Variants in ARHGEF6 observed in about 807,000 individuals in gnomAD.
ARHGEF6 encodes Rac/Cdc42 guanine nucleotide exchange factor 6, also known as rho guanine nucleotide exchange factor 6.
Under a neutral mutation model 70.3 loss-of-function variants are expected in ARHGEF6, and 9 were observed. That is an observed-to-expected ratio of 0.13 (90% CI 0.08 to 0.22). The LOEUF (loss-of-function observed/expected upper bound fraction) is 0.22, where lower values mean the gene tolerates loss of function less well. Ranked by LOEUF, ARHGEF6 falls within the 10% of genes least tolerant of loss-of-function variation. ARHGEF6 has a pLI of 1.00. For synonymous variants in ARHGEF6, 201 were observed against 207.8 expected (o/e 0.97, Z 0.28); for missense variants, 470 against 563.0 (o/e 0.83, Z 1.67).
intron 15 of ARHGEF6, among the ~76,000 whole-genome samples, chrX:136,680,032 A>G (rs1024755322): frequency 8.9e-6 from 1 of 112,565 alleles, no homozygotes; most frequent in Non-Finnish European, 1.9e-5. Flanking sequence ...ACAGCCTAAG[A>G]CATAGACTCA....
intron 7 of ARHGEF6, among the ~76,000 whole-genome samples, chrX:136,709,532 A>C (rs759566276): frequency 8.8e-6 from 1 of 113,272 alleles, no homozygotes; most frequent in East Asian, 2.7e-4. Flanking sequence ...AAACCCAGGC[A>C]TAGAGAGGTT....
intron 3 of ARHGEF6, among the ~76,000 whole-genome samples, chrX:136,746,471 C>A (rs1165285712): frequency 1.8e-5 from 2 of 112,088 alleles, no homozygotes; most frequent in Non-Finnish European, 3.8e-5. Flanking sequence ...CGATAGCTTC[C>A]TAGATGCTCT....
chrX:136,682,621 T>C lies in ARHGEF6; in HGVS notation c.1479+137A>G, dbSNP rs748536128. On this transcript the variant is annotated intron_variant, in intron 13 of 21. Coordinates refer to ENST00000250617, the MANE Select transcript of ARHGEF6 (RefSeq NM_004840.3). ...AAGGAACATCTGCTCTTACAAGCTC[T>C]TTAATTACAATGAAGGGTCAGAACA... is the stretch of plus-strand genomic sequence containing the variant. The C allele has an allele frequency of 3.4e-4, 168 of 500,732 alleles. No homozygotes were observed. The African/African-American group carries it at 3.6e-3, about 11-fold the overall frequency. The allele number at this position is 500,732 out of a possible 1,213,427, so 41.3% of individuals were successfully genotyped here.
intron 1 of ARHGEF6, 64 bp downstream of exon 1, chrX:136,780,652 CAA>C: frequency 9.7e-7 from 1 of 1,033,203 alleles, no homozygotes; most frequent in Non-Finnish European, 1.4e-6. Flanking sequence ...AGAAAAATCT[CAA>C]GAGTTACATG....
At chrX:136,712,092 T>TTTG (rs1191257077) in intron 7 of ARHGEF6, among the ~76,000 whole-genome samples, 9 of 111,215 alleles carry the variant, frequency 8.1e-5, no homozygotes, top group East Asian at 5.6e-4. Context: ...TTTGCTTGGT[T>TTTG]TTGTTGTTGT....
chrX:136,730,991 A>T (rs190912071), intron 6 of ARHGEF6, among the ~76,000 whole-genome samples: 1 of 111,760 alleles, frequency 8.9e-6, no homozygotes. Flanking sequence ...TTCTTTAAAA[A>T]TTAAATCATT....
At position 136,667,765 on chromosome X, in the gene ARHGEF6, C is replaced by G; in HGVS notation, c.*264G>C. The G allele has an allele frequency of 2.5e-6, 1 of 403,740 alleles. No homozygotes were observed. Among genetic ancestry groups the G allele is most frequent in the African/African-American group, 2.5e-5 (1 of 40,086 alleles). 33.3% of individuals were successfully genotyped at this position (403,740 alleles called of 1,213,427 possible). A position where few individuals can be genotyped will look rare whatever the true frequency, so the allele number is the denominator to read the frequency against. On this transcript the variant is annotated 3_prime_UTR_variant, in exon 22 of 22. Coordinates refer to ENST00000250617, the MANE Select transcript of ARHGEF6 (RefSeq NM_004840.3). ...AATGGAAAAGACTCTGAGGCCATCT[C>G]TACCACCACTTCCTGCTTTTTCACC... is the stretch of plus-strand genomic sequence containing the variant.
intron 6 of ARHGEF6, among the ~76,000 whole-genome samples, chrX:136,719,003 G>GT (rs1399521248): frequency 1.6e-4 from 12 of 72,747 alleles, no homozygotes; most frequent in Admixed American, 1.3e-3. Flanking sequence ...TTAATACTTG[G>GT]TAAAAAAAAA....
chrX:136,708,172 G>C (rs2076646005), intron 8 of ARHGEF6, among the ~76,000 whole-genome samples: 1 of 110,676 alleles, frequency 9.0e-6, no homozygotes, highest in African/African-American at 3.3e-5. Context: ...AAGACCTCAT[G>C]TGTCTCCAGG....
intron 5 of ARHGEF6, among the ~76,000 whole-genome samples, chrX:136,736,163 G>C (rs1000072443): frequency 2.7e-5 from 3 of 111,513 alleles, no homozygotes; most frequent in Non-Finnish European, 5.7e-5. Flanking sequence ...ACAAAACAGA[G>C]ACAAAAATTT....
intron 6 of ARHGEF6, among the ~76,000 whole-genome samples, chrX:136,722,903 A>G (rs2148633758): frequency 8.9e-6 from 1 of 112,790 alleles, no homozygotes; most frequent in African/African-American, 3.2e-5. Context: ...CCCAAAGTCC[A>G]TCAACTGATA....
chrX:136,727,395 T>C (rs9969902), intron 6 of ARHGEF6, among the ~76,000 whole-genome samples: 10,293 of 52,232 alleles, frequency 0.2, 854 homozygotes, highest in South Asian at 0.35. Flanking sequence ...CTTTCTTTCT[T>C]TCTCTCTCTC....
intron 2 of ARHGEF6, among the ~76,000 whole-genome samples, chrX:136,748,164 G>A (rs1248522437): frequency 9.0e-6 from 1 of 111,602 alleles, no homozygotes; most frequent in East Asian, 2.8e-4. Flanking sequence ...TTTCTGCCCA[G>A]GTCTGCCTTT....
At chrX:136,682,014 CT>C in intron 13 of ARHGEF6, 46 bp from the exon 14 acceptor site, 1 of 1,049,872 alleles carries the variant, frequency 9.5e-7, no homozygotes, top group Non-Finnish European at 1.3e-6. Flanking sequence ...TTATACAGGT[CT>C]CTGTTTATTT....
chrX:136,691,191 T>C (rs1466448671), intron 9 of ARHGEF6, among the ~76,000 whole-genome samples: 1 of 112,081 alleles, frequency 8.9e-6, no homozygotes, highest in Non-Finnish European at 1.9e-5. Flanking sequence ...GTCCTAGTTA[T>C]TGGCTGGTCA....
At position 136,682,757 on chromosome X, in the gene ARHGEF6, C is replaced by T. The variant is rs1263901784; in HGVS notation, c.1479+1G>A. The T allele has an allele frequency of 8.3e-7, 1 of 1,203,084 alleles. No individual in the cohort carries two copies. The highest frequency in any genetic ancestry group is 1.8e-5 in the African/African-American group (1 of 56,944). ...ATGTGTTTTATATGAAATTTACTAA[C>T]CTGATAGATAAAGCCACTCATCCGA... On this transcript the variant is annotated splice_donor_variant, in intron 13 of 21. Transcript: ENST00000250617. LOFTEE classifies it high-confidence loss of function.
At chrX:136,726,916 TA>T (rs2076858732) in intron 6 of ARHGEF6, among the ~76,000 whole-genome samples, 1 of 112,572 alleles carries the variant, frequency 8.9e-6, no homozygotes, top group African/African-American at 3.2e-5. Flanking sequence ...TTGCAGTGAA[TA>T]AAGAATTTCA....
chrX:136,727,348 T>C (rs996765101), intron 6 of ARHGEF6, among the ~76,000 whole-genome samples: 4 of 48,048 alleles, frequency 8.3e-5, no homozygotes, highest in African/African-American at 3.2e-4. Flanking sequence ...TTTCTTTCTT[T>C]CTTTCTTTCT....
chrX:136,727,089 G>A (rs987243052), intron 6 of ARHGEF6, among the ~76,000 whole-genome samples: 2 of 111,713 alleles, frequency 1.8e-5, no homozygotes, highest in Non-Finnish European at 3.8e-5. Flanking sequence ...TCTAACTTCC[G>A]ACCTTCCTCC....
Sources: gnomAD v4.1 joint callset for allele counts (sites outside exome capture counted in the v4.1 genomes callset) on GRCh38, gnomAD v4.1.1 for gene constraint, MANE v1.5 for transcripts, NCBI Gene and HGNC (gene_info 2026-07-23, HGNC 2026-07-21) for gene names.